Variants in NRIP1 observed in about 807,000 individuals in gnomAD.
NRIP1 encodes the protein nuclear receptor interacting protein 1.
NRIP1 carries 28 observed loss-of-function variants against 75.0 expected under a neutral mutation model. That is an observed-to-expected ratio of 0.37 (90% CI 0.28 to 0.51). The LOEUF is 0.51. NRIP1 is among the 20% of genes least tolerant of loss of function. The pLI is 0.92. For synonymous variants in NRIP1, 526 were observed against 487.6 expected, an observed-to-expected ratio of 1.08 and a Z score of -1.04; for missense variants, 1,435 against 1,343.7, an observed-to-expected ratio of 1.07 and a Z score of -1.06.
At chr21:15,057,965 A>G (rs2089342057) in intron 1 of NRIP1, among the ~76,000 whole-genome samples, 1 of 152,198 alleles carries the variant, frequency 6.6e-6, no homozygotes, top group East Asian at 1.9e-4. Flanking sequence ...CCAAGTAACT[A>G]AACAACTTCT....
At chr21:14,993,607 C>T (rs2087631947) in intron 3 of NRIP1, among the ~76,000 whole-genome samples, 1 of 151,106 alleles carries the variant, frequency 6.6e-6, no homozygotes, top group African/African-American at 2.4e-5. Context: ...ACAGCGAGAC[C>T]CCATCTCTAA....
At chr21:14,987,386 T>G (rs144476343) in intron 3 of NRIP1, among the ~76,000 whole-genome samples, 212 of 152,268 alleles carry the variant, frequency 1.4e-3, no homozygotes, top group African/African-American at 4.8e-3. Flanking sequence ...TTAGTCTGAC[T>G]ATTGGTCTTT....
At chr21:15,008,558 C>T (rs946249486) in intron 3 of NRIP1, among the ~76,000 whole-genome samples, 7 of 151,954 alleles carry the variant, frequency 4.6e-5, no homozygotes, top group African/African-American at 7.3e-5. Context: ...GCCAAGCCAA[C>T]GCTGGCAGTA....
At position 14,965,020 on chromosome 21, in the gene NRIP1, G is replaced by C; in HGVS notation, c.3173C>G (p.Ser1058Cys). 2 of 1,613,936 alleles carry C rather than the reference G, an allele frequency of 1.2e-6. No homozygotes were observed. The highest frequency in any genetic ancestry group is 1.7e-6 in the Non-Finnish European group (2 of 1,179,930). Residue 1058 changes from serine (S) to cysteine (C), a missense_variant, in exon 4 of 4, where the codon TCT becomes TGT. Ser to Cys is a moderately radical substitution (Grantham distance 112). Transcript: ENST00000318948. ...TGGGTTGGTTTTGGTCAATCTTGGAGAGTCTTTTTCATACTCATTCTTCTC... is the reference window on the plus strand; with the variant it reads ...TGGGTTGGTTTTGGTCAATCTTGGACAGTCTTTTTCATACTCATTCTTCTC... ...DAEKNEYEKD[S>C]PRLTKTNPIL...
At chr21:14,987,267 T>G (rs755650729) in intron 3 of NRIP1, among the ~76,000 whole-genome samples, 11 of 152,214 alleles carry the variant, frequency 7.2e-5, no homozygotes, top group Non-Finnish European at 1.3e-4. Flanking sequence ...TGAACAAATG[T>G]GGTAATGCTC....
chr21:15,015,860 T>C (rs2088215380), intron 2 of NRIP1, among the ~76,000 whole-genome samples: 1 of 152,184 alleles, frequency 6.6e-6, no homozygotes, highest in Non-Finnish European at 1.5e-5. Flanking sequence ...TACATACATA[T>C]TATTTTTCTA....
chr21:15,027,373 A>G lies in NRIP1; in HGVS notation c.-457-12907T>C, dbSNP rs17000712. Among the ~76,000 whole-genome samples, 895 of 152,338 alleles carry G rather than the reference A, an allele frequency of 5.9e-3. 7 individuals are homozygous for G. Among genetic ancestry groups the G allele is most frequent in the African/African-American group, 0.02 (839 of 41,574 alleles). ...CTTACATAACAGAAAACAAGTGGCT[A>G]TATTGTGGCAAATCAGAGCTTTGAC... On this transcript the variant is annotated intron_variant, in intron 2 of 3. Transcript: ENST00000318948.
chr21:14,991,556 G>C (rs533952316), intron 3 of NRIP1, among the ~76,000 whole-genome samples: 8 of 152,046 alleles, frequency 5.3e-5, no homozygotes, highest in African/African-American at 1.7e-4. Flanking sequence ...TCAGGCAGAA[G>C]CATGCATTTC....
intron 2 of NRIP1, among the ~76,000 whole-genome samples, chr21:15,028,050 A>G (rs988671793): frequency 6.6e-6 from 1 of 152,214 alleles, no homozygotes; most frequent in Non-Finnish European, 1.5e-5. Context: ...TATTTTAAAT[A>G]AGTTAGAAAT....
chr21:15,022,207 A>G (rs1223427184), intron 2 of NRIP1, among the ~76,000 whole-genome samples: 1 of 152,238 alleles, frequency 6.6e-6, no homozygotes, highest in African/African-American at 2.4e-5. Context: ...AATACTATGC[A>G]GCCATAAAAA....
chr21:15,041,247 C>T (rs773057664), intron 2 of NRIP1, among the ~76,000 whole-genome samples: 11 of 152,044 alleles, frequency 7.2e-5, no homozygotes, highest in Admixed American at 2.6e-4. Context: ...TGAGTTCATA[C>T]GACATGGTTC....
intron 3 of NRIP1, among the ~76,000 whole-genome samples, chr21:14,968,776 T>C (rs1427365808): frequency 2.0e-5 from 3 of 152,178 alleles, no homozygotes; most frequent in African/African-American, 4.8e-5. Flanking sequence ...GAAGAGAACA[T>C]ACTTTAATGT....
At chr21:15,061,958 T>C (rs73338817) in intron 1 of NRIP1, among the ~76,000 whole-genome samples, 1,695 of 152,364 alleles carry the variant, frequency 0.011, 30 homozygotes, top group African/African-American at 0.038. Context: ...TTGCCTCATC[T>C]GTCACCTTCT....
chr21:15,031,527 A>G (rs1320214335), intron 2 of NRIP1, among the ~76,000 whole-genome samples: 2 of 139,604 alleles, frequency 1.4e-5, no homozygotes, highest in African/African-American at 2.8e-5. Flanking sequence ...ATGTATATAC[A>G]CTCTGGAAGG....
intron 3 of NRIP1, among the ~76,000 whole-genome samples, chr21:14,981,136 A>G (rs1261183953): frequency 6.6e-6 from 1 of 152,228 alleles, no homozygotes; most frequent in Non-Finnish European, 1.5e-5. Context: ...CAAAAATACT[A>G]CATGCACAAT....
At chr21:14,982,784 T>C (rs766347671) in intron 3 of NRIP1, among the ~76,000 whole-genome samples, 7 of 151,988 alleles carry the variant, frequency 4.6e-5, no homozygotes, top group Non-Finnish European at 8.8e-5. Flanking sequence ...GGTACCACTT[T>C]TCCAACAGCA....
intron 1 of NRIP1, among the ~76,000 whole-genome samples, chr21:15,062,425 T>C (rs997198487): frequency 6.6e-5 from 10 of 152,226 alleles, no homozygotes; most frequent in Non-Finnish European, 1.3e-4. Flanking sequence ...GGCATCTGAT[T>C]GGGAAGATTT....
At chr21:15,064,039 A>C (rs1245381397) in intron 1 of NRIP1, among the ~76,000 whole-genome samples, 1 of 152,244 alleles carries the variant, frequency 6.6e-6, no homozygotes, top group Non-Finnish European at 1.5e-5. Flanking sequence ...CATCCACGGA[A>C]ACCTTCATAA....
upstream of NRIP1, chr21:15,065,666 CGTA>C (rs977880256): frequency 6.6e-6 from 1 of 152,322 alleles, no homozygotes; most frequent in African/African-American, 2.4e-5. Context: ...ACGCCCAGCA[CGTA>C]GTAGGCGCCC....
Sources: allele counts gnomAD v4.1 joint callset (sites outside exome capture counted in the v4.1 genomes callset), GRCh38; gene constraint gnomAD v4.1.1; transcripts MANE v1.5; gene names NCBI Gene and HGNC (gene_info 2026-07-23, HGNC 2026-07-21).